SKOR2: variants seen among roughly 807,000 people sequenced by gnomAD.
The protein encoded by SKOR2 is SKI family transcriptional corepressor 2, also known as LBX1 corepressor 1-like protein.
Under a neutral mutation model 69.1 loss-of-function variants are expected in SKOR2, and 47 were observed. The ratio of observed to expected loss-of-function variants is 0.68; its 90% CI spans 0.54 to 0.87. SKOR2 has a LOEUF of 0.87. Ranked by LOEUF, SKOR2 falls within the 40% of genes least tolerant of loss-of-function variation. SKOR2 has a pLI of 0.00. For missense variants in SKOR2, 1,404 were observed against 1,472.2 expected (o/e 0.95, Z 0.76); for synonymous variants, 717 against 672.6 (o/e 1.07, Z -1.02).
chr18:47,235,980 TGAG>T (rs753114018), intron 4 of SKOR2, among the ~76,000 whole-genome samples: 26 of 152,138 alleles, frequency 1.7e-4, no homozygotes, highest in Non-Finnish European at 3.4e-4. Flanking sequence ...TCCAACCTGC[TGAG>T]CCATCCTGTC....
At position 47,246,609 on chromosome 18, in the gene SKOR2, G is replaced by A; in HGVS notation, c.2575C>T (p.His859Tyr). The A allele has an allele frequency of 6.6e-7, 1 of 1,524,692 alleles. No individual in the cohort carries two copies. 94.4% of individuals were successfully genotyped at this position (1,524,692 alleles called of 1,614,324 possible). The change falls in exon 2 of 9, where the codon CAC becomes TAC. Residue 859 changes from histidine (H) to tyrosine (Y), a missense_variant. His to Tyr is a moderately conservative substitution (Grantham distance 83, BLOSUM62 2). This residue lies in a region of SKOR2 where 1,266 missense variants were observed against 1,309.9 expected (regional missense o/e 0.97). Coordinates refer to ENST00000425639, the MANE Select transcript of SKOR2 (RefSeq NM_001278063.4). ...GGSSSPGSPVHHPSLEEQPSY... is the reference protein window; with the variant it reads ...GGSSSPGSPVYHPSLEEQPSY... ...GGCTGCTCCTCCAGTGATGGATGGT[G>A]AACTGGGCTGCCCGGGCTGCTGCTG...
At position 47,249,042 on chromosome 18, in the gene SKOR2, C is replaced by G; in HGVS notation, c.142G>C (p.Gly48Arg). 1 of 1,538,728 alleles carries G rather than the reference C, an allele frequency of 6.5e-7. No homozygotes were observed. Among genetic ancestry groups the G allele is most frequent in the Non-Finnish European group, 8.7e-7 (1 of 1,147,960 alleles). The part of the protein sequence containing the change: ...PNQVGQVILY[G>R]IPIVSLVIDG... ...ATCACCAACGACACGATGGGAATGC[C>G]GTAGAGGATCACCTGGCCCACCTGG... Residue 48 changes from glycine to arginine, a missense_variant, in exon 2 of 9, where the codon GGC (glycine) becomes CGC (arginine). Physicochemically the swap from Gly to Arg is moderately radical, Grantham distance 125 (BLOSUM62 -2). This residue lies in a region of SKOR2 where 104 missense variants were observed against 95.7 expected (regional missense o/e 1.09). Transcript: ENST00000425639.
rs1232941019 is a variant in SKOR2 at position 47,247,340 on chromosome 18, C to T, written c.1844G>A (p.Gly615Asp). The change falls in exon 2 of 9, where the codon GGT becomes GAT. Residue 615 changes from glycine (G) to aspartate (D), a missense_variant. By Grantham distance (94) the Gly-to-Asp change is moderately conservative. This residue lies in a region of SKOR2 where 1,266 missense variants were observed against 1,309.9 expected (regional missense o/e 0.97). Transcript: ENST00000425639. The surrounding 1 kb of genome is among the most constrained non-coding windows in gnomAD (Gnocchi z 6.6). Reference sequence around the variant, plus strand: ...GGCGCTGGAATGGTGGTAGCTGCCACCGCCCGCTTTGCGCCCCTCCAGAAG... The same window carrying T: ...GGCGCTGGAATGGTGGTAGCTGCCATCGCCCGCTTTGCGCCCCTCCAGAAG... ...PHLLEGRKAG[G>D]GSYHHSSAFR... is the part of the protein sequence containing the mutation. 45 of 1,474,714 alleles carry T rather than the reference C, an allele frequency of 3.1e-5. No individual in the cohort carries two copies. The highest frequency in any genetic ancestry group is 4.0e-5 in the Non-Finnish European group (45 of 1,118,952). The allele number at this position is 1,474,714 out of a possible 1,614,324, so 91.4% of individuals were successfully genotyped here. A position where few individuals can be genotyped will look rare whatever the true frequency, so the allele number is the denominator to read the frequency against.
In SKOR2 at chr18:47,249,165, G is replaced by T; in HGVS notation, c.19C>A (p.Pro7Thr). 1 of 1,535,190 alleles carries T rather than the reference G, an allele frequency of 6.5e-7. No individual in the cohort carries two copies. Residue 7 changes from proline to threonine, a missense_variant, in exon 2 of 9, where the codon CCA becomes ACA. Pro to Thr is a conservative substitution (Grantham distance 38). Transcript: ENST00000425639. MASSPL[P>T]GPNDILLASP... ...GCCAGCAGGATGTCGTTGGGCCCTG[G>T]CAGCGGACTGGAAGCCATCTCCGCC...
intron 8 of SKOR2, among the ~76,000 whole-genome samples, chr18:47,209,917 C>T (rs2064122862): frequency 1.3e-5 from 2 of 152,056 alleles, no homozygotes; most frequent in African/African-American, 4.8e-5. Context: ...TATAGGGAGA[C>T]CTTGTCTTTA....
At chr18:47,209,289 C>T (rs2064121255) in intron 8 of SKOR2, among the ~76,000 whole-genome samples, 1 of 152,138 alleles carries the variant, frequency 6.6e-6, no homozygotes, top group African/African-American at 2.4e-5. Flanking sequence ...CTGCATACTA[C>T]CTTAAGGGTC....
chr18:47,212,019 A>G (rs899742772), intron 8 of SKOR2, 67 bp downstream of exon 8: 9 of 1,216,460 alleles, frequency 7.4e-6, no homozygotes, highest in Non-Finnish European at 9.2e-6. Flanking sequence ...ACACATCAAT[A>G]AAGAATATGT....
At chr18:47,220,434 C>T (rs1036686650) in intron 6 of SKOR2, among the ~76,000 whole-genome samples, 6 of 152,054 alleles carry the variant, frequency 3.9e-5, no homozygotes, top group Admixed American at 2.0e-4. Context: ...TAATACCTTC[C>T]GGGTAAATAA....
At chr18:47,229,300 T>G (rs2064188968) in intron 6 of SKOR2, among the ~76,000 whole-genome samples, 1 of 152,172 alleles carries the variant, frequency 6.6e-6, no homozygotes, top group Non-Finnish European at 1.5e-5. Context: ...ACAAGAAGCA[T>G]GCTGACATTC....
At chr18:47,220,633 AAG>A (rs1220152425) in intron 6 of SKOR2, among the ~76,000 whole-genome samples, 1 of 152,168 alleles carries the variant, frequency 6.6e-6, no homozygotes, top group African/African-American at 2.4e-5. Flanking sequence ...AGAGAACTTT[AAG>A]AGATATTGTC....
At position 47,248,892 on chromosome 18, in the gene SKOR2, GCACCGGCGTGCACTGCACACA is replaced by G; in HGVS notation, c.271_291del (p.Cys91_Val97del). ...CCGGCACGCCGCAGGATCTCCAGTT[GCACCGGCGTGCACTGCACACA>G]CGTGATGCCCAGTGCCACGCGACGG... On this transcript the variant is annotated inframe_deletion, in exon 2 of 9. Coordinates refer to ENST00000425639, the MANE Select transcript of SKOR2 (RefSeq NM_001278063.4). This position sits in a 1 kb window ranked among gnomAD's most constrained non-coding sequence, Gnocchi z 6.4. The G allele has an allele frequency of 6.4e-7, 1 of 1,566,656 alleles. No homozygotes were observed. The highest frequency in any genetic ancestry group is 8.6e-7 in the Non-Finnish European group (1 of 1,163,566).
intron 8 of SKOR2, among the ~76,000 whole-genome samples, chr18:47,210,782 C>A (rs566481808): frequency 1.3e-5 from 2 of 152,246 alleles, no homozygotes; most frequent in South Asian, 4.1e-4. Flanking sequence ...ACTCTCTGAG[C>A]ACCTCTGTTG....
intron 7 of SKOR2, among the ~76,000 whole-genome samples, chr18:47,216,658 A>G (rs1274024654): frequency 6.6e-6 from 1 of 152,214 alleles, no homozygotes; most frequent in Non-Finnish European, 1.5e-5. Flanking sequence ...GACGCTTTCA[A>G]TATAAGTTTT....
intron 7 of SKOR2, among the ~76,000 whole-genome samples, chr18:47,216,257 A>C (rs2064143591): frequency 6.6e-6 from 1 of 152,216 alleles, no homozygotes; most frequent in South Asian, 2.1e-4. Flanking sequence ...ATAGGGATAG[A>C]AAAATATTTC....
chr18:47,245,063 C>A, intron 3 of SKOR2, 81 bp from the exon 4 acceptor site: 2 of 1,053,750 alleles, frequency 1.9e-6, no homozygotes, highest in Non-Finnish European at 2.7e-6. Context: ...TTTTTTTTTG[C>A]AGGGAGGATG....
intron 1 of SKOR2, among the ~76,000 whole-genome samples, chr18:47,251,128 GT>G (rs2064310770): frequency 6.6e-6 from 1 of 150,956 alleles, no homozygotes; most frequent in African/African-American, 2.4e-5. Flanking sequence ...TTTTGGGTGG[GT>G]GGGGAGGGGA....
At position 47,248,328 on chromosome 18, in the gene SKOR2, G is replaced by T; in HGVS notation, c.856C>A (p.Pro286Thr). The change falls in exon 2 of 9, where the codon CCG becomes ACG. Residue 286 changes from proline (P) to threonine (T), a missense_variant. Physicochemically the swap from Pro to Thr is conservative, Grantham distance 38. Transcript: ENST00000425639. The surrounding 1 kb of genome is among the most constrained non-coding windows in gnomAD (Gnocchi z 6.4). ...LLGPHLLGAP[P>T]PPPPPPPPLA... Reference sequence around the variant, plus strand: ...GGCGGCGGTGGCGGCGGCGGCGGCGGGGGCGCACCCAGCAGGTGGGGGCCC... The same window carrying T: ...GGCGGCGGTGGCGGCGGCGGCGGCGTGGGCGCACCCAGCAGGTGGGGGCCC... 8.3e-7 allele frequency: 1 copy of T among 1,200,946 alleles called. No individual in the cohort carries two copies. The highest frequency in any genetic ancestry group is 3.5e-5 in the East Asian group (1 of 28,274). The allele number at this position is 1,200,946 out of a possible 1,614,324, so 74.4% of individuals were successfully genotyped here.
Position 47,246,552 on chromosome 18 carries a change from G to T in SKOR2, c.2613+19C>A. On this transcript the variant is annotated intron_variant, in intron 2 of 8. Transcript: ENST00000425639. ...AAATAATAATAATTAGCTTGAAGGA[G>T]CCTAAAGGGGATATTTACATCTTTG... 2.7e-6 allele frequency: 4 copies of T among 1,506,350 alleles called. No individual in the cohort carries two copies. Among genetic ancestry groups the T allele is most frequent in the Non-Finnish European group, 3.5e-6 (4 of 1,135,980 alleles). 93.3% of individuals were successfully genotyped at this position (1,506,350 alleles called of 1,614,324 possible). A position where few individuals can be genotyped will look rare whatever the true frequency, so the allele number is the denominator to read the frequency against.
At chr18:47,208,484 G>A (rs1326991248) in intron 8 of SKOR2, among the ~76,000 whole-genome samples, 1 of 152,142 alleles carries the variant, frequency 6.6e-6, no homozygotes, top group African/African-American at 2.4e-5. Flanking sequence ...ATGTAAAATG[G>A]TTTACTTCTT....
Sources: allele counts gnomAD v4.1 joint callset (sites outside exome capture counted in the v4.1 genomes callset), GRCh38; gene constraint gnomAD v4.1.1; regional missense constraint gnomAD v4.1.1; non-coding constraint Gnocchi (gnomAD v3.1); transcripts MANE v1.5; gene names NCBI Gene and HGNC (gene_info 2026-07-23, HGNC 2026-07-21).